Variants in SHISA9 observed in about 807,000 individuals in gnomAD.
The protein encoded by SHISA9 is protein shisa-9.
A neutral mutation model predicts 38.0 loss-of-function variants in SHISA9; 13 were observed. The ratio of observed to expected loss-of-function variants is 0.34; its 90% CI spans 0.22 to 0.54. The LOEUF (loss-of-function observed/expected upper bound fraction) is 0.54. Ranked by LOEUF, SHISA9 falls within the 20% of genes least tolerant of loss-of-function variation. The pLI is 0.91. For synonymous variants in SHISA9, 275 were observed against 242.0 expected, an observed-to-expected ratio of 1.14 and a Z score of -1.27; for missense variants, 538 against 575.8, an observed-to-expected ratio of 0.93 and a Z score of 0.67.
intron 2 of SHISA9, among the ~76,000 whole-genome samples, chr16:13,044,227 T>C (rs1049340849): frequency 2.0e-5 from 3 of 152,150 alleles, no homozygotes; most frequent in African/African-American, 7.2e-5. Flanking sequence ...CTTACAGATA[T>C]CAGGTTGGTG....
intron 4 of SHISA9, among the ~76,000 whole-genome samples, chr16:13,223,501 C>T (rs1055212748): frequency 3.9e-5 from 6 of 152,180 alleles, no homozygotes; most frequent in African/African-American, 1.2e-4. Flanking sequence ...ATATTAACTC[C>T]TCTTTCCTTC....
Position 13,083,319 on chromosome 16 carries a change from A to G in SHISA9, c.692-120075A>G, listed in dbSNP as rs552985548. 2.6e-5 allele frequency among the ~76,000 whole-genome samples: 4 copies of G among 152,256 alleles called. No homozygotes were observed. In the South Asian group the frequency reaches 6.2e-4, roughly 24 times the overall value. On this transcript the variant is annotated intron_variant, in intron 2 of 4. Coordinates refer to ENST00000558583, the MANE Select transcript of SHISA9 (RefSeq NM_001145204.3). ...TCTCATGCGTCATCTCTATACAATG[A>G]TCATAGAAGTGCATCATTGTGCGAA...
At chr16:12,935,679 C>T (rs1462485342) in intron 2 of SHISA9, among the ~76,000 whole-genome samples, 1 of 151,922 alleles carries the variant, frequency 6.6e-6, no homozygotes, top group African/African-American at 2.4e-5. Context: ...GAAACCCCAT[C>T]TGTACAAAAA....
At chr16:12,948,291 TA>T (rs1355536954) in intron 2 of SHISA9, among the ~76,000 whole-genome samples, 14 of 152,176 alleles carry the variant, frequency 9.2e-5, no homozygotes. Flanking sequence ...GCTCTTGAAC[TA>T]TTATATGATA....
the SHISA9 span, among the ~76,000 whole-genome samples, chr16:13,412,374 G>C: frequency 6.6e-6 from 1 of 152,104 alleles, no homozygotes; most frequent in African/African-American, 2.4e-5. Flanking sequence ...CTAGTGCTTA[G>C]TGTGAACAAA....
chr16:13,225,671 A>G (rs2051271871), intron 4 of SHISA9, among the ~76,000 whole-genome samples: 1 of 152,130 alleles, frequency 6.6e-6, no homozygotes, highest in African/African-American at 2.4e-5. Context: ...GCCTCAAGGA[A>G]AGGAGGTAGG....
intron 2 of SHISA9, among the ~76,000 whole-genome samples, chr16:12,927,121 A>G (rs1312158156): frequency 1.3e-5 from 2 of 152,234 alleles, no homozygotes; most frequent in African/African-American, 4.8e-5. Context: ...AAAATTAAGT[A>G]ACATTACTAA....
intron 2 of SHISA9, among the ~76,000 whole-genome samples, chr16:13,033,362 C>T (rs2073014966): frequency 6.6e-6 from 1 of 152,150 alleles, no homozygotes; most frequent in Non-Finnish European, 1.5e-5. Flanking sequence ...AAAACCAACA[C>T]ACTTCCACTA....
chr16:13,329,313 C>A, the SHISA9 span, among the ~76,000 whole-genome samples: 2 of 152,116 alleles, frequency 1.3e-5, no homozygotes, highest in Admixed American at 1.3e-4. Context: ...ATTAAACCTC[C>A]GCTCCTAAAT....
At chr16:12,986,375 T>A (rs1387246080) in intron 2 of SHISA9, among the ~76,000 whole-genome samples, 1 of 151,934 alleles carries the variant, frequency 6.6e-6, no homozygotes, top group Non-Finnish European at 1.5e-5. Context: ...TTTTTAGAAG[T>A]AATTTGGAGT....
chr16:13,181,312 T>TATATATAC (rs1555468744), intron 2 of SHISA9, among the ~76,000 whole-genome samples: 9 of 34,090 alleles, frequency 2.6e-4, no homozygotes, highest in African/African-American at 4.8e-4. Context: ...TATATATATA[T>TATATATAC]ACACACACAC....
chr16:13,447,784 T>C, the SHISA9 span, among the ~76,000 whole-genome samples: 1 of 152,172 alleles, frequency 6.6e-6, no homozygotes, highest in African/African-American at 2.4e-5. Context: ...CTATCCCACA[T>C]GTTGAAAGAT....
intron 2 of SHISA9, among the ~76,000 whole-genome samples, chr16:13,142,587 A>G (rs910757696): frequency 6.6e-6 from 1 of 152,218 alleles, no homozygotes; most frequent in Non-Finnish European, 1.5e-5. Flanking sequence ...TGAAGTCTGC[A>G]GGCAATGCCT....
chr16:13,300,795 T>A, the SHISA9 span, among the ~76,000 whole-genome samples: 1 of 151,970 alleles, frequency 6.6e-6, no homozygotes, highest in African/African-American at 2.4e-5. Flanking sequence ...GTGCACAAAA[T>A]GGAGCACTTA....
the SHISA9 span, among the ~76,000 whole-genome samples, chr16:13,549,954 C>T: frequency 6.7e-6 from 1 of 150,100 alleles, no homozygotes; most frequent in South Asian, 2.1e-4. Flanking sequence ...ACCCAGGAGG[C>T]AGAGGTTGCA....
intron 3 of SHISA9, among the ~76,000 whole-genome samples, chr16:13,212,503 T>C (rs983249867): frequency 6.6e-6 from 1 of 152,200 alleles, no homozygotes; most frequent in Non-Finnish European, 1.5e-5. Flanking sequence ...GGGAATTCAA[T>C]TCGGATAAAC....
chr16:13,092,901 G>A (rs936237565), intron 2 of SHISA9, among the ~76,000 whole-genome samples: 10 of 152,316 alleles, frequency 6.6e-5, no homozygotes, highest in South Asian at 2.1e-4. Context: ...CATCTTCTGC[G>A]TCTGTCATGC....
chr16:13,387,639 G>T, the SHISA9 span, among the ~76,000 whole-genome samples: 1 of 152,020 alleles, frequency 6.6e-6, no homozygotes, highest in Non-Finnish European at 1.5e-5. Context: ...ACAGGCACGT[G>T]CCACCACGCC....
chr16:13,143,406 G>A (rs2050419942), intron 2 of SHISA9, among the ~76,000 whole-genome samples: 1 of 152,112 alleles, frequency 6.6e-6, no homozygotes, highest in Admixed American at 6.5e-5. Flanking sequence ...CTATCCTTCT[G>A]GAATTCAGAG....
Sources: gnomAD v4.1 joint callset for allele counts (sites outside exome capture counted in the v4.1 genomes callset) on GRCh38, gnomAD v4.1.1 for gene constraint, MANE v1.5 for transcripts, NCBI Gene and HGNC (gene_info 2026-07-23, HGNC 2026-07-21) for gene names.